HMBOX1: variants seen among roughly 807,000 people sequenced by gnomAD.
HMBOX1 encodes the protein homeobox containing 1.
A neutral mutation model predicts 54.5 loss-of-function variants in HMBOX1; 14 were observed. The observed-to-expected ratio is 0.26, with a 90% CI of 0.17 to 0.40. The LOEUF is 0.40. HMBOX1 is among the 10% of genes least tolerant of loss of function. HMBOX1 has a pLI of 1.00. For missense variants in HMBOX1, 332 were observed against 514.4 expected, an observed-to-expected ratio of 0.65 and a Z score of 3.43; for synonymous variants, 160 against 181.0, an observed-to-expected ratio of 0.88 and a Z score of 0.93.
chr8:28,947,810 A>G (rs941125634), intron 1 of HMBOX1, among the ~76,000 whole-genome samples: 3 of 152,168 alleles, frequency 2.0e-5, no homozygotes, highest in Admixed American at 6.5e-5. Context: ...TACTTTGTTC[A>G]TACAGCTCTA....
chr8:29,050,113 T>A (rs930546578), intron 9 of HMBOX1: 4 of 300,918 alleles, frequency 1.3e-5, no homozygotes, highest in South Asian at 1.3e-4. Flanking sequence ...CTCTTTTCAG[T>A]CTACCCACAT....
At chr8:28,942,222 G>A (rs767673271) in intron 1 of HMBOX1, among the ~76,000 whole-genome samples, 2 of 152,176 alleles carry the variant, frequency 1.3e-5, no homozygotes, top group Admixed American at 6.5e-5. Flanking sequence ...GTTCAGCGCA[G>A]TCTCCTTCTG....
At chr8:28,923,000 T>C (rs2131810333) in intron 1 of HMBOX1, among the ~76,000 whole-genome samples, 1 of 152,338 alleles carries the variant, frequency 6.6e-6, no homozygotes, top group East Asian at 1.9e-4. Context: ...TCTTAAAATT[T>C]AAAATTATGT....
chr8:28,963,802 G>C lies in HMBOX1; in HGVS notation c.-57-9G>C. ...AAATGTTTCTCAATTTTCTATCTTTGTTCTACAGAATGGTAGATAACGCAG... is the reference window on the plus strand; with the variant it reads ...AAATGTTTCTCAATTTTCTATCTTTCTTCTACAGAATGGTAGATAACGCAG... On this transcript the variant is annotated splice_polypyrimidine_tract_variant and intron_variant, in intron 1 of 9. Transcript: ENST00000287701. 7.7e-7 allele frequency: 1 copy of C among 1,301,730 alleles called. No individual in the cohort carries two copies. Among genetic ancestry groups the C allele is most frequent in the South Asian group, 1.4e-5 (1 of 70,110 alleles). 80.6% of individuals were successfully genotyped at this position (1,301,730 alleles called of 1,614,324 possible).
intron 6 of HMBOX1, among the ~76,000 whole-genome samples, chr8:29,026,906 G>A (rs1802138800): frequency 6.6e-6 from 1 of 152,180 alleles, no homozygotes; most frequent in Non-Finnish European, 1.5e-5. Flanking sequence ...TTATAACAGG[G>A]AAAAGATGAA....
chr8:29,050,639 A>G (rs1348101754), intron 9 of HMBOX1: 1 of 173,666 alleles, frequency 5.8e-6, no homozygotes, highest in Non-Finnish European at 1.2e-5. Context: ...CTGGAATTTA[A>G]TAGCTCACTA....
intron 1 of HMBOX1, among the ~76,000 whole-genome samples, chr8:28,900,266 AAAAAAAT>A (rs1324382628): frequency 2.1e-5 from 2 of 95,884 alleles, no homozygotes; most frequent in Non-Finnish European, 4.4e-5. Flanking sequence ...AAAAAAAAAA[AAAAAAAT>A]ATATATATAT....
chr8:28,928,334 A>T (rs1411663452), intron 1 of HMBOX1, among the ~76,000 whole-genome samples: 1 of 152,210 alleles, frequency 6.6e-6, no homozygotes, highest in Non-Finnish European at 1.5e-5. Context: ...GCAGAAGCCC[A>T]GTAGTTAGTT....
intron 1 of HMBOX1, among the ~76,000 whole-genome samples, chr8:28,939,393 G>A (rs1820955126): frequency 6.6e-6 from 1 of 152,040 alleles, no homozygotes; most frequent in African/African-American, 2.4e-5. Flanking sequence ...TTCTATTTTT[G>A]CATTGTTTTC....
intron 1 of HMBOX1, among the ~76,000 whole-genome samples, chr8:28,899,614 G>A (rs1363609865): frequency 6.6e-6 from 1 of 152,204 alleles, no homozygotes; most frequent in Non-Finnish European, 1.5e-5. Context: ...TCAATCCAAT[G>A]TCCAGTCAAC....
At chr8:28,962,422 G>A (rs1023433780) in intron 1 of HMBOX1, among the ~76,000 whole-genome samples, 1 of 121,852 alleles carries the variant, frequency 8.2e-6, no homozygotes, top group South Asian at 2.6e-4. Context: ...CCTCTAGAAG[G>A]GGAGCCTGAC....
At chr8:28,927,639 C>A (rs1208819126) in intron 1 of HMBOX1, among the ~76,000 whole-genome samples, 2 of 152,196 alleles carry the variant, frequency 1.3e-5, no homozygotes, top group African/African-American at 4.8e-5. Flanking sequence ...AACCCAGACA[C>A]CTTCCACTAG....
intron 1 of HMBOX1, among the ~76,000 whole-genome samples, chr8:28,932,434 G>A (rs1819632372): frequency 6.6e-6 from 1 of 152,192 alleles, no homozygotes. Flanking sequence ...GACACTGATA[G>A]ACAGTGTAAA....
At chr8:28,996,450 G>C (rs954894003) in intron 4 of HMBOX1, among the ~76,000 whole-genome samples, 20 of 151,972 alleles carry the variant, frequency 1.3e-4, no homozygotes, top group African/African-American at 4.3e-4. Context: ...GATGAAACCT[G>C]TCTACTAAAA....
chr8:28,977,192 T>A (rs1185995440), intron 3 of HMBOX1, among the ~76,000 whole-genome samples: 2 of 152,192 alleles, frequency 1.3e-5, no homozygotes, highest in African/African-American at 4.8e-5. Flanking sequence ...TTGAGTGTTA[T>A]CTCTTCTGTA....
At chr8:29,034,641 A>C (rs1247543740) in intron 6 of HMBOX1, among the ~76,000 whole-genome samples, 6 of 152,358 alleles carry the variant, frequency 3.9e-5, no homozygotes, top group African/African-American at 9.6e-5. Context: ...AGATGACCGG[A>C]GGTCAGGAGT....
chr8:28,904,477 C>T (rs894853599), intron 1 of HMBOX1, among the ~76,000 whole-genome samples: 9 of 152,118 alleles, frequency 5.9e-5, no homozygotes, highest in East Asian at 3.9e-4. Context: ...GTGATCCGCC[C>T]GCCTAGGCCT....
intron 1 of HMBOX1, among the ~76,000 whole-genome samples, chr8:28,918,922 C>T (rs1445243497): frequency 6.6e-6 from 1 of 152,190 alleles, no homozygotes; most frequent in East Asian, 1.9e-4. Flanking sequence ...GCAGGAACTT[C>T]TGAAGACATC....
chr8:29,043,711 G>A (rs930271480), intron 6 of HMBOX1, among the ~76,000 whole-genome samples: 8 of 152,202 alleles, frequency 5.3e-5, no homozygotes, highest in African/African-American at 1.9e-4. Context: ...CTGAGATTCT[G>A]CCATTCTAAC....
Sources: gnomAD v4.1 joint callset for allele counts (sites outside exome capture counted in the v4.1 genomes callset) on GRCh38, gnomAD v4.1.1 for gene constraint, MANE v1.5 for transcripts, NCBI Gene and HGNC (gene_info 2026-07-23, HGNC 2026-07-21) for gene names.